DYM: variants seen among roughly 807,000 people sequenced by gnomAD.
The protein encoded by DYM is dyggve-Melchior-Clausen syndrome protein.
DYM carries 78 observed loss-of-function variants against 93.1 expected under a neutral mutation model. The ratio of observed to expected loss-of-function variants is 0.84; its 90% CI spans 0.70 to 1.01. The LOEUF (loss-of-function observed/expected upper bound fraction) is 1.01. Among genes scored for constraint, DYM ranks in the 50% least tolerant of loss-of-function variants. The probability of loss-of-function intolerance (pLI) is 0.00; values close to 1 mark genes in which losing one functional copy is unlikely to be tolerated. For missense variants in DYM, 789 were observed against 845.0 expected, an observed-to-expected ratio of 0.93 and a Z score of 0.82; for synonymous variants, 321 against 319.7, an observed-to-expected ratio of 1.00 and a Z score of -0.04.
intron 17 of DYM, among the ~76,000 whole-genome samples, chr18:49,095,924 C>T (rs2079504556): frequency 6.6e-6 from 1 of 152,030 alleles, no homozygotes; most frequent in African/African-American, 2.4e-5. Flanking sequence ...CTACTTTGTT[C>T]TTGACTGAGC....
chr18:49,103,733 G>A (rs1057513714), intron 16 of DYM, among the ~76,000 whole-genome samples: 19 of 152,154 alleles, frequency 1.2e-4, no homozygotes, highest in South Asian at 2.1e-4. Context: ...GATATGCGGC[G>A]TTATTTCTGA....
At chr18:49,149,935 T>C (rs1181684289) in intron 15 of DYM, among the ~76,000 whole-genome samples, 5 of 152,022 alleles carry the variant, frequency 3.3e-5, no homozygotes, top group African/African-American at 4.8e-5. Flanking sequence ...TCTCGATCTC[T>C]TGACTTCGTG....
At chr18:49,077,292 G>A (rs186960971) in intron 17 of DYM, among the ~76,000 whole-genome samples, 80 of 152,316 alleles carry the variant, frequency 5.3e-4, no homozygotes, top group Non-Finnish European at 8.4e-4. Flanking sequence ...GCCCAAGGAA[G>A]CCACAGATCT....
intron 17 of DYM, among the ~76,000 whole-genome samples, chr18:49,056,002 C>G (rs547464319): frequency 1.3e-5 from 2 of 152,220 alleles, no homozygotes; most frequent in South Asian, 4.2e-4. Flanking sequence ...GCCACGGCAG[C>G]TGAGGCGACT....
At chr18:49,445,050 T>G (rs1456832791) in intron 1 of DYM, among the ~76,000 whole-genome samples, 1 of 152,214 alleles carries the variant, frequency 6.6e-6, no homozygotes, top group Non-Finnish European at 1.5e-5. Flanking sequence ...TTAGCAAACC[T>G]TTATTGCAAA....
chr18:49,316,917 A>G (rs1031158111), intron 8 of DYM, among the ~76,000 whole-genome samples: 1 of 152,206 alleles, frequency 6.6e-6, no homozygotes, highest in Non-Finnish European at 1.5e-5. Context: ...ATTGCTGAAT[A>G]AAATTCCACT....
chr18:49,369,875 T>C (rs960070705), intron 5 of DYM, among the ~76,000 whole-genome samples: 3 of 152,208 alleles, frequency 2.0e-5, no homozygotes, highest in African/African-American at 7.2e-5. Context: ...ATACAGTGTC[T>C]TGGGCCTAGC....
At chr18:49,211,282 G>A (rs1233724406) in intron 13 of DYM, among the ~76,000 whole-genome samples, 1 of 151,926 alleles carries the variant, frequency 6.6e-6, no homozygotes, top group Admixed American at 6.6e-5. Flanking sequence ...AGTAATAAGA[G>A]GACCAATAAG....
At chr18:49,080,539 C>T (rs1204699029) in intron 17 of DYM, among the ~76,000 whole-genome samples, 33 of 94,552 alleles carry the variant, frequency 3.5e-4, no homozygotes, top group African/African-American at 3.6e-4. Context: ...TAGGGGCGGC[C>T]GGGCAGAGGC....
At chr18:49,048,233 T>C (rs1283883536) in intron 17 of DYM, 1 of 152,204 alleles carries the variant, frequency 6.6e-6, no homozygotes. Flanking sequence ...TGTGGTGCTA[T>C]GTGAAGAAGA....
At chr18:49,309,997 A>C (rs1000794553) in intron 8 of DYM, among the ~76,000 whole-genome samples, 1 of 152,224 alleles carries the variant, frequency 6.6e-6, no homozygotes, top group Non-Finnish European at 1.5e-5. Flanking sequence ...GTTAAGGTAA[A>C]ACAGCATGGA....
intron 3 of DYM, among the ~76,000 whole-genome samples, chr18:49,381,125 T>TA (rs754895812): frequency 2.7e-4 from 41 of 151,922 alleles, no homozygotes; most frequent in Non-Finnish European, 5.0e-4. Flanking sequence ...GCCTCCCAAG[T>TA]AGTTAGTGCT....
At chr18:49,201,519 C>T (rs923460918) in intron 14 of DYM, among the ~76,000 whole-genome samples, 5 of 152,160 alleles carry the variant, frequency 3.3e-5, no homozygotes, top group Non-Finnish European at 7.3e-5. Context: ...CAATGGGCTA[C>T]CAAAATCATA....
chr18:49,139,637 T>C (rs2084237818), intron 15 of DYM, among the ~76,000 whole-genome samples: 2 of 152,226 alleles, frequency 1.3e-5, no homozygotes, highest in Admixed American at 6.5e-5. Context: ...ACAATGGCAG[T>C]TAAGCAAATC....
chr18:49,165,189 T>C (rs1488760875), intron 14 of DYM, among the ~76,000 whole-genome samples: 2 of 151,862 alleles, frequency 1.3e-5, no homozygotes, highest in African/African-American at 4.8e-5. Flanking sequence ...AAGAGGGAGA[T>C]TTTATAATGA....
rs758432311 is a variant in DYM, at chr18:49,257,047, G to A, written c.1423C>T (p.Arg475Cys). ...TGGGCAGCATACTGATGGAGAGAAC[G>A]AAACTGTGCCGACATATTTGCTAAA... is the stretch of plus-strand genomic sequence containing the variant. ...AALANMSAQFRSLHQYAAQRI... is the reference protein window; with the variant it reads ...AALANMSAQFCSLHQYAAQRI... The change falls in exon 13 of 18, where the codon CGT becomes TGT. Residue 475 changes from arginine (R) to cysteine (C), a missense_variant. Transcript: ENST00000675505. 3.1e-6 allele frequency: 5 copies of A among 1,613,978 alleles called. No homozygotes were observed. The highest frequency in any genetic ancestry group is 1.1e-5 in the South Asian group (1 of 91,080).
chr18:49,046,245 A>G (rs1319712079), intron 17 of DYM, among the ~76,000 whole-genome samples: 1 of 147,892 alleles, frequency 6.8e-6, no homozygotes, highest in Non-Finnish European at 1.5e-5. Flanking sequence ...AACACAACAC[A>G]AACATCCATA....
At chr18:49,181,991 T>C (rs910059635) in intron 14 of DYM, among the ~76,000 whole-genome samples, 1 of 152,164 alleles carries the variant, frequency 6.6e-6, no homozygotes, top group Non-Finnish European at 1.5e-5. Context: ...TCCCACAACA[T>C]TTGATATGTT....
chr18:49,169,847 C>G (rs2088427394), intron 14 of DYM, among the ~76,000 whole-genome samples: 1 of 152,126 alleles, frequency 6.6e-6, no homozygotes, highest in Non-Finnish European at 1.5e-5. Flanking sequence ...GACAAGTGAA[C>G]AAGACTAGAA....
Sources: allele counts gnomAD v4.1 joint callset (sites outside exome capture counted in the v4.1 genomes callset), GRCh38; gene constraint gnomAD v4.1.1; transcripts MANE v1.5; gene names NCBI Gene and HGNC (gene_info 2026-07-23, HGNC 2026-07-21).